The following BABAM2 variants were observed in gnomAD, a reference collection of about 807,000 sequenced individuals.
The protein encoded by BABAM2 is BRISC and BRCA1-A complex member 2.
Under a neutral mutation model 54.7 loss-of-function variants are expected in BABAM2, and 31 were observed. That is an observed-to-expected ratio of 0.57 (90% CI 0.43 to 0.77). BABAM2 has a LOEUF of 0.77. Ranked by LOEUF, BABAM2 falls within the 30% of genes least tolerant of loss-of-function variation. BABAM2 has a pLI of 0.00. For missense variants in BABAM2, 364 were observed against 455.8 expected (o/e 0.80, Z 1.83); for synonymous variants, 167 against 162.9 (o/e 1.03, Z -0.19).
At chr2:28,273,232 C>G (rs1685577418) in intron 10 of BABAM2, among the ~76,000 whole-genome samples, 1 of 152,184 alleles carries the variant, frequency 6.6e-6, no homozygotes, top group African/African-American at 2.4e-5. Context: ...TTCTTAACCA[C>G]TTAGGTACCA....
At chr2:28,310,669 A>C (rs1688995258) in intron 11 of BABAM2, among the ~76,000 whole-genome samples, 1 of 148,824 alleles carries the variant, frequency 6.7e-6, no homozygotes, top group Admixed American at 6.7e-5. Flanking sequence ...GGATCACCTG[A>C]GGTCAGGAAT....
chr2:28,263,584 C>T (rs1684727397), intron 10 of BABAM2, among the ~76,000 whole-genome samples: 1 of 152,224 alleles, frequency 6.6e-6, no homozygotes, highest in Admixed American at 6.5e-5. Flanking sequence ...CAGCCTTACC[C>T]ATTTTCCTCG....
Position 27,992,568 on chromosome 2 carries a change from G to A in BABAM2, c.300+4481G>A, listed in dbSNP as rs574480314. On this transcript the variant is annotated intron_variant, in intron 4 of 11. Transcript: ENST00000379624. The stretch of plus-strand genomic sequence containing the variant: ...GGGGTAGTTAAATACTGTTTTTCAC[G>A]TACAATATGTGATGTGAGAAGAGAG... 5.9e-5 allele frequency among the ~76,000 whole-genome samples: 9 copies of A among 152,238 alleles called. No individual in the cohort carries two copies. The East Asian group carries it at 7.7e-4, about 13-fold the overall frequency.
chr2:28,166,803 C>T lies in BABAM2; in HGVS notation c.680+37423C>T, dbSNP rs528773081. 5.1e-4 allele frequency among the ~76,000 whole-genome samples: 77 copies of T among 152,256 alleles called. 1 individual carries two copies. Among genetic ancestry groups the T allele is most frequent in the Non-Finnish European group, 6.3e-4 (43 of 68,016 alleles). Reference sequence around the variant, plus strand: ...CTCTATCTCTTTTTGATTTCTCTTACGCTGTTTACAACCTCATAACGAATG... The same window carrying T: ...CTCTATCTCTTTTTGATTTCTCTTATGCTGTTTACAACCTCATAACGAATG... On this transcript the variant is annotated intron_variant, in intron 7 of 11. Coordinates refer to ENST00000379624, the MANE Select transcript of BABAM2 (RefSeq NM_199191.3).
At chr2:27,950,692 A>AT (rs1344738439) in intron 3 of BABAM2, among the ~76,000 whole-genome samples, 1 of 150,754 alleles carries the variant, frequency 6.6e-6, no homozygotes, top group East Asian at 2.0e-4. Flanking sequence ...CCTTTTCTTC[A>AT]TTTTTTTCAA....
chr2:27,904,308 A>G (rs984953600), intron 2 of BABAM2, among the ~76,000 whole-genome samples: 13 of 152,236 alleles, frequency 8.5e-5, no homozygotes, highest in Admixed American at 1.3e-4. Context: ...AGGGGGGACT[A>G]CTATACATCA....
chr2:28,131,870 C>T (rs569423042), intron 7 of BABAM2, among the ~76,000 whole-genome samples: 3 of 152,230 alleles, frequency 2.0e-5, no homozygotes, highest in South Asian at 4.1e-4. Context: ...GTTAATGAAA[C>T]AATCGCAAGA....
At chr2:28,178,236 G>A (rs191202575) in intron 7 of BABAM2, among the ~76,000 whole-genome samples, 34 of 152,198 alleles carry the variant, frequency 2.2e-4, no homozygotes, top group South Asian at 1.9e-3. Flanking sequence ...TTCCAGGATA[G>A]ACCATATGTT....
chr2:28,273,097 A>G (rs1685565011), intron 10 of BABAM2, among the ~76,000 whole-genome samples: 1 of 152,198 alleles, frequency 6.6e-6, no homozygotes, highest in Non-Finnish European at 1.5e-5. Flanking sequence ...TTTAGGGCAC[A>G]GTTCTTACCC....
At chr2:28,318,268 A>G (rs13013747) in intron 11 of BABAM2, among the ~76,000 whole-genome samples, 31,344 of 152,192 alleles carry the variant, frequency 0.21, 3,940 homozygotes, top group East Asian at 0.39. Context: ...AGGGTTGGGC[A>G]AACAACAGCC....
intron 6 of BABAM2, among the ~76,000 whole-genome samples, chr2:28,125,619 T>C (rs1437966044): frequency 6.6e-6 from 1 of 152,180 alleles, no homozygotes; most frequent in African/African-American, 2.4e-5. Context: ...GAAAATAATC[T>C]GTCAAATTCT....
intron 7 of BABAM2, among the ~76,000 whole-genome samples, chr2:28,205,770 A>G (rs1444293505): frequency 5.3e-5 from 8 of 152,210 alleles, no homozygotes; most frequent in Admixed American, 5.2e-4. Flanking sequence ...GCAATCTATG[A>G]TATTTATATA....
chr2:28,274,630 C>T (rs930557529), intron 10 of BABAM2, among the ~76,000 whole-genome samples: 2 of 152,100 alleles, frequency 1.3e-5, no homozygotes, highest in Non-Finnish European at 2.9e-5. Flanking sequence ...CAGGGTTTTG[C>T]CATGTTGCCC....
At chr2:28,048,651 A>G (rs1181082261) in intron 6 of BABAM2, among the ~76,000 whole-genome samples, 5 of 152,208 alleles carry the variant, frequency 3.3e-5, no homozygotes, top group Non-Finnish European at 5.9e-5. Flanking sequence ...GATCAGGCGT[A>G]GACCAACTGT....
chr2:28,053,701 AG>A (rs1362643070), intron 6 of BABAM2, among the ~76,000 whole-genome samples: 1 of 152,156 alleles, frequency 6.6e-6, no homozygotes, highest in African/African-American at 2.4e-5. Context: ...GAGAGCAGAC[AG>A]GACTTAGGGA....
intron 7 of BABAM2, among the ~76,000 whole-genome samples, chr2:28,175,341 CT>C (rs1316093830): frequency 6.6e-6 from 1 of 152,184 alleles, no homozygotes; most frequent in African/African-American, 2.4e-5. Context: ...ACCTGGGGGC[CT>C]GAGGATCACC....
chr2:28,080,664 G>A (rs998593396), intron 6 of BABAM2, among the ~76,000 whole-genome samples: 6 of 152,128 alleles, frequency 3.9e-5, no homozygotes, highest in Admixed American at 3.9e-4. Flanking sequence ...TAAGAGCATG[G>A]TTCAAATATT....
At chr2:28,088,443 A>T (rs1353569941) in intron 6 of BABAM2, among the ~76,000 whole-genome samples, 2 of 152,066 alleles carry the variant, frequency 1.3e-5, no homozygotes, top group Non-Finnish European at 2.9e-5. Context: ...CCCTTGCCTA[A>T]CCCTAGGGCT....
At chr2:27,889,673 C>T (rs1664664632), upstream of BABAM2, among the ~76,000 whole-genome samples, 1 of 152,132 alleles carries the variant, frequency 6.6e-6, no homozygotes, top group South Asian at 2.1e-4. Context: ...TATTTTGATT[C>T]ATACTTGGCT....
Sources: allele counts gnomAD v4.1 joint callset (sites outside exome capture counted in the v4.1 genomes callset), GRCh38; gene constraint gnomAD v4.1.1; transcripts MANE v1.5; gene names NCBI Gene and HGNC (gene_info 2026-07-23, HGNC 2026-07-21).